Variants in CDK6 observed in about 807,000 individuals in gnomAD.
CDK6 encodes cyclin dependent kinase 6, also known as cyclin-dependent kinase 6.
CDK6 carries 6 observed loss-of-function variants against 37.1 expected under a neutral mutation model. The observed-to-expected ratio is 0.16, with a 90% confidence interval of 0.09 to 0.32. The LOEUF (loss-of-function observed/expected upper bound fraction) is 0.32. Among genes scored for constraint, CDK6 ranks in the 10% least tolerant of loss-of-function variants. CDK6 has a pLI of 1.00. For synonymous variants in CDK6, 160 were observed against 161.3 expected (o/e 0.99, Z 0.06); for missense variants, 224 against 418.9 (o/e 0.53, Z 4.06).
intron 2 of CDK6, among the ~76,000 whole-genome samples, chr7:92,814,048 A>G (rs1396099953): frequency 1.3e-5 from 2 of 152,204 alleles, no homozygotes; most frequent in East Asian, 3.8e-4. Context: ...ATTTCCTGCA[A>G]AGAATTAATT....
rs1796366554 is a variant in CDK6, at chr7:92,643,526, A to C, written c.648-20440T>G. ...AGTGGTAAGTGTTATGAAGAAAATA[A>C]GATATGCTGGTGGAGAATAATAGAA... On this transcript the variant is annotated intron_variant, in intron 5 of 7. Coordinates refer to ENST00000424848, the MANE Select transcript of CDK6 (RefSeq NM_001145306.2). Among the ~76,000 whole-genome samples, 4 of 152,250 alleles carry C rather than the reference A, an allele frequency of 2.6e-5. No individual in the cohort carries two copies. The South Asian group carries it at 8.3e-4, about 31-fold the overall frequency.
chr7:92,714,730 G>A (rs1423878927), intron 4 of CDK6, among the ~76,000 whole-genome samples: 1 of 151,980 alleles, frequency 6.6e-6, no homozygotes. Flanking sequence ...ATCATTTTAG[G>A]AATTTATTTC....
intron 2 of CDK6, among the ~76,000 whole-genome samples, chr7:92,790,467 C>T (rs1359282410): frequency 6.6e-6 from 1 of 152,112 alleles, no homozygotes; most frequent in African/African-American, 2.4e-5. Context: ...TGAACAAATG[C>T]ATTTAACCAG....
chr7:92,661,440 C>T (rs747552135), intron 5 of CDK6, among the ~76,000 whole-genome samples: 10 of 152,152 alleles, frequency 6.6e-5, no homozygotes, highest in Non-Finnish European at 1.3e-4. Flanking sequence ...TAAGACTTAA[C>T]TACTAATGGC....
At chr7:92,725,862 G>A (rs1257342848) in intron 3 of CDK6, 69 bp from the exon 4 acceptor site, 19 of 1,419,158 alleles carry the variant, frequency 1.3e-5, no homozygotes, top group Admixed American at 1.8e-5. Flanking sequence ...TATGCTGGAC[G>A]CCGAATCCTT....
rs1263335350 is a variant in CDK6, at chr7:92,833,158, G to A, written c.166C>T (p.Leu56Phe). The change falls in exon 2 of 8, where the codon CTC (leucine) becomes TTC (phenylalanine). Residue 56 changes from leucine to phenylalanine, a missense_variant. Leu to Phe is a conservative substitution (Grantham distance 22). This residue lies in a region of CDK6 where 21 missense variants were observed against 18.4 expected (regional missense o/e 1.14). Coordinates refer to ENST00000424848, the MANE Select transcript of CDK6 (RefSeq NM_001145306.2). This position sits in a 1 kb window ranked among gnomAD's most constrained non-coding sequence, Gnocchi z 6.1. Reference protein sequence around the residue: ...RVQTGEEGMPLSTIREVAVLR... With the variant: ...RVQTGEEGMPFSTIREVAVLR... ...ACCGCCACCTCGCGGATGGTGGAGAGCGGCATGCCCTCCTCGCCGGTCTGC... is the reference window on the plus strand; with the variant it reads ...ACCGCCACCTCGCGGATGGTGGAGAACGGCATGCCCTCCTCGCCGGTCTGC... The A allele has an allele frequency of 4.3e-6, 7 of 1,609,510 alleles. No individual in the cohort carries two copies. The highest frequency in any genetic ancestry group is 1.7e-5 in the Admixed American group (1 of 59,772).
intron 4 of CDK6, among the ~76,000 whole-genome samples, chr7:92,702,256 A>G (rs1321412865): frequency 1.2e-5 from 1 of 85,186 alleles, no homozygotes; most frequent in Non-Finnish European, 2.1e-5. Flanking sequence ...TTTTTGAGAC[A>G]GAGTCTTACT....
chr7:92,810,265 C>T lies in CDK6; in HGVS notation c.233+22826G>A, dbSNP rs140778067. Among the ~76,000 whole-genome samples, 59 of 152,278 alleles carry T rather than the reference C, an allele frequency of 3.9e-4. No individual in the cohort carries two copies. The Middle Eastern group carries it at 0.01, about 26-fold the overall frequency. On this transcript the variant is annotated intron_variant, in intron 2 of 7. Coordinates refer to ENST00000424848, the MANE Select transcript of CDK6 (RefSeq NM_001145306.2). Reference sequence around the variant, plus strand: ...CCTTTGTCAGCATGCAGTTTATGTGCATTTAATTTGCCAAGCAGGTCTTAC... The same window carrying T: ...CCTTTGTCAGCATGCAGTTTATGTGTATTTAATTTGCCAAGCAGGTCTTAC...
chr7:92,724,811 A>G (rs1370205978), intron 4 of CDK6, among the ~76,000 whole-genome samples: 1 of 152,018 alleles, frequency 6.6e-6, no homozygotes, highest in African/African-American at 2.4e-5. Context: ...TATATTATTT[A>G]TTTAATTTAC....
intron 5 of CDK6, among the ~76,000 whole-genome samples, chr7:92,666,260 C>T (rs572906442): frequency 2.0e-5 from 3 of 152,242 alleles, no homozygotes; most frequent in Admixed American, 6.5e-5. Flanking sequence ...CTCTACACTT[C>T]TTCACAGCAT....
chr7:92,711,549 CA>C (rs765052847), intron 4 of CDK6, among the ~76,000 whole-genome samples: 4 of 107,584 alleles, frequency 3.7e-5, no homozygotes, highest in Non-Finnish European at 7.3e-5. Context: ...CTGGAATGGT[CA>C]AATTTTTTTT....
At chr7:92,799,992 C>CA (rs1362244064) in intron 2 of CDK6, among the ~76,000 whole-genome samples, 6 of 152,162 alleles carry the variant, frequency 3.9e-5, no homozygotes, top group Non-Finnish European at 7.4e-5. Context: ...ATCACCATCA[C>CA]TATCCTCTCA....
chr7:92,653,156 T>C (rs915881841), intron 5 of CDK6, among the ~76,000 whole-genome samples: 14 of 152,330 alleles, frequency 9.2e-5, no homozygotes, highest in African/African-American at 3.1e-4. Context: ...CAAACATTTT[T>C]CCAAATGTGC....
chr7:92,702,220 CTTTT>C (rs3066453), intron 4 of CDK6, among the ~76,000 whole-genome samples: 42 of 44,934 alleles, frequency 9.3e-4, no homozygotes, highest in African/African-American at 3.9e-3. Flanking sequence ...CAAGTATATT[CTTTT>C]TTTTTTTTTT....
In CDK6 at chr7:92,613,716, T is replaced by C. The variant is rs1195189347; in HGVS notation, c.*1424A>G. 2 of 233,000 alleles carry C rather than the reference T, an allele frequency of 8.6e-6. No individual in the cohort carries two copies. The highest frequency in any genetic ancestry group is 1.7e-5 in the Non-Finnish European group (2 of 117,952). 14.4% of individuals were successfully genotyped at this position (233,000 alleles called of 1,614,324 possible). On this transcript the variant is annotated 3_prime_UTR_variant, in exon 8 of 8. Transcript: ENST00000424848. ...CCCTCAGGTAAAGACACTGAAAATA[T>C]CTTCTATAAAAATGTAATTCACAAA...
chr7:92,676,046 G>A (rs1032257573), intron 4 of CDK6, among the ~76,000 whole-genome samples: 1 of 151,524 alleles, frequency 6.6e-6, no homozygotes, highest in East Asian at 1.9e-4. Flanking sequence ...ATTTTGGGAG[G>A]ATTATTGTTT....
chr7:92,816,806 T>A (rs1801041102), intron 2 of CDK6, among the ~76,000 whole-genome samples: 1 of 151,778 alleles, frequency 6.6e-6, no homozygotes, highest in Admixed American at 6.6e-5. Flanking sequence ...CTGACAAAAC[T>A]CTATCTGTAT....
At chr7:92,728,096 T>G (rs576882837) in intron 3 of CDK6, among the ~76,000 whole-genome samples, 2 of 152,334 alleles carry the variant, frequency 1.3e-5, no homozygotes, top group East Asian at 3.9e-4. Flanking sequence ...TATACAAATT[T>G]AAAAACATGC....
intron 4 of CDK6, among the ~76,000 whole-genome samples, chr7:92,724,641 A>T (rs1435003418): frequency 6.6e-6 from 1 of 152,162 alleles, no homozygotes; most frequent in African/African-American, 2.4e-5. Context: ...ATGACCAAAG[A>T]TGTTGCCAAT....
Sources: gnomAD v4.1 joint callset for allele counts (sites outside exome capture counted in the v4.1 genomes callset) on GRCh38, gnomAD v4.1.1 for gene constraint, gnomAD v4.1.1 regional missense constraint, Gnocchi (gnomAD v3.1) non-coding constraint, MANE v1.5 for transcripts, NCBI Gene and HGNC (gene_info 2026-07-23, HGNC 2026-07-21) for gene names.